Variants in NMNAT2 observed in about 807,000 individuals in gnomAD.
The protein encoded by NMNAT2 is nicotinamide/nicotinic acid mononucleotide adenylyltransferase 2.
NMNAT2 carries 11 observed loss-of-function variants against 41.6 expected under a neutral mutation model. The observed-to-expected ratio is 0.26, with a 90% CI of 0.17 to 0.44. The LOEUF (loss-of-function observed/expected upper bound fraction) is 0.44. Among genes scored for constraint, NMNAT2 ranks in the 20% least tolerant of loss-of-function variants. The probability of loss-of-function intolerance (pLI) is 1.00; values close to 1 mark genes in which losing one functional copy is unlikely to be tolerated. For synonymous variants in NMNAT2, 148 were observed against 151.2 expected (o/e 0.98, Z 0.16); for missense variants, 288 against 407.7 (o/e 0.71, Z 2.53).
intron 1 of NMNAT2, among the ~76,000 whole-genome samples, chr1:183,376,448 G>GA (rs1215732804): frequency 6.6e-6 from 1 of 152,114 alleles, no homozygotes; most frequent in Non-Finnish European, 1.5e-5. Flanking sequence ...ATGAGGAGTG[G>GA]AAAAAATTGA....
intron 1 of NMNAT2, chr1:183,304,811 C>T (rs1661959134): frequency 6.2e-7 from 1 of 1,607,590 alleles, no homozygotes; most frequent in African/African-American, 1.3e-5. Flanking sequence ...CAAAGTGGTG[C>T]AGCTGCTCCC....
intron 1 of NMNAT2, among the ~76,000 whole-genome samples, chr1:183,417,515 G>A (rs533798998): frequency 5.0e-4 from 76 of 152,034 alleles, no homozygotes; most frequent in African/African-American, 1.8e-3. Flanking sequence ...CCCCCTCCCC[G>A]TCCTAGGCAG....
At chr1:183,293,964 A>G (rs764646937) in intron 1 of NMNAT2, among the ~76,000 whole-genome samples, 171 bp from the exon 2 acceptor site, 1 of 152,234 alleles carries the variant, frequency 6.6e-6, no homozygotes, top group African/African-American at 2.4e-5. Context: ...TCAAAAGGTT[A>G]CAGAACCAGA....
chr1:183,352,125 TG>T (rs1663071234), intron 1 of NMNAT2, among the ~76,000 whole-genome samples: 1 of 152,148 alleles, frequency 6.6e-6, no homozygotes, highest in South Asian at 2.1e-4. Flanking sequence ...TGTCCGTTGT[TG>T]GGCAGGGAGA....
At chr1:183,383,394 C>T (rs1038099695) in intron 1 of NMNAT2, among the ~76,000 whole-genome samples, 5 of 152,236 alleles carry the variant, frequency 3.3e-5, no homozygotes, top group Admixed American at 3.3e-4. Context: ...TAACACTAGA[C>T]TCCTCATTAC....
At chr1:183,318,596 G>A (rs1662299889) in intron 1 of NMNAT2, among the ~76,000 whole-genome samples, 1 of 152,160 alleles carries the variant, frequency 6.6e-6, no homozygotes, top group African/African-American at 2.4e-5. Flanking sequence ...GAGAAGGGAG[G>A]GTTTAGGGAG....
intron 1 of NMNAT2, among the ~76,000 whole-genome samples, chr1:183,322,594 C>A (rs959439874): frequency 6.6e-6 from 1 of 152,216 alleles, no homozygotes. Context: ...ACCAGACCAA[C>A]AGTCTACAGA....
intron 1 of NMNAT2, among the ~76,000 whole-genome samples, chr1:183,337,469 A>G (rs1421290492): frequency 1.3e-5 from 2 of 151,938 alleles, no homozygotes; most frequent in African/African-American, 4.8e-5. Flanking sequence ...CTATAAAGAA[A>G]AAACCCAAGA....
chr1:183,284,669 A>T, intron 6 of NMNAT2, 41 bp downstream of exon 6: 1 of 1,524,596 alleles, frequency 6.6e-7, no homozygotes, highest in South Asian at 1.1e-5. Flanking sequence ...GGAGAGAAAG[A>T]AAAGAGACAG....
intron 1 of NMNAT2, among the ~76,000 whole-genome samples, chr1:183,326,305 G>A (rs868412422): frequency 1.3e-5 from 2 of 150,290 alleles, no homozygotes; most frequent in African/African-American, 2.5e-5. Flanking sequence ...GAACCCGGGA[G>A]GTGGAGGTTG....
chr1:183,400,090 AG>A (rs1437047326), intron 1 of NMNAT2, among the ~76,000 whole-genome samples: 1 of 152,116 alleles, frequency 6.6e-6, no homozygotes, highest in Non-Finnish European at 1.5e-5. Context: ...AAGAAATAAA[AG>A]GTATTCAATT....
intron 1 of NMNAT2, among the ~76,000 whole-genome samples, chr1:183,389,794 A>AGGGAGGGAGGG (rs1557897576): frequency 2.5e-5 from 2 of 79,602 alleles, no homozygotes; most frequent in Non-Finnish European, 5.5e-5. Flanking sequence ...GAAAGAAAGA[A>AGGGAGGGAGGG]AGAAAGAAAG....
At chr1:183,355,677 A>G (rs1287082452) in intron 1 of NMNAT2, among the ~76,000 whole-genome samples, 1 of 152,214 alleles carries the variant, frequency 6.6e-6, no homozygotes, top group Non-Finnish European at 1.5e-5. Context: ...TGAGGCCAAC[A>G]TCAGAAATGT....
intron 1 of NMNAT2, among the ~76,000 whole-genome samples, chr1:183,390,931 T>G (rs945657549): frequency 6.6e-6 from 1 of 152,166 alleles, no homozygotes; most frequent in African/African-American, 2.4e-5. Context: ...GTGATGCACG[T>G]GAGTTTCAGG....
chr1:183,275,672 TTTTA>T (rs1466869553), intron 8 of NMNAT2, among the ~76,000 whole-genome samples: 1 of 7,326 alleles, frequency 1.4e-4, no homozygotes, highest in Non-Finnish European at 4.5e-3. Flanking sequence ...CATTTCCGTA[TTTTA>T]TTTATTTTAT....
intron 1 of NMNAT2, 94 bp from the exon 2 acceptor site, chr1:183,293,887 G>A: frequency 1.2e-6 from 1 of 830,202 alleles, no homozygotes. Flanking sequence ...GTAATGCTGG[G>A]GTTTATTTCC....
intron 1 of NMNAT2, among the ~76,000 whole-genome samples, chr1:183,410,905 A>G (rs1028687485): frequency 1.3e-5 from 2 of 151,912 alleles, no homozygotes; most frequent in Non-Finnish European, 2.9e-5. Context: ...TTTTGTAGAG[A>G]TGGGGTCTCA....
intron 10 of NMNAT2, among the ~76,000 whole-genome samples, chr1:183,253,724 C>T (rs1660449933): frequency 6.6e-6 from 1 of 152,166 alleles, no homozygotes; most frequent in South Asian, 2.1e-4. Context: ...CCACACTTGA[C>T]CCTGGTAATC....
chr1:183,387,890 T>C (rs936232409), intron 1 of NMNAT2, among the ~76,000 whole-genome samples: 3 of 152,206 alleles, frequency 2.0e-5, no homozygotes, highest in African/African-American at 7.2e-5. Context: ...AGGAGGTAGA[T>C]TCTCAGTCGG....
Sources: gnomAD v4.1 joint callset for allele counts (sites outside exome capture counted in the v4.1 genomes callset) on GRCh38, gnomAD v4.1.1 for gene constraint, MANE v1.5 for transcripts, NCBI Gene and HGNC (gene_info 2026-07-23, HGNC 2026-07-21) for gene names.